Variants in BNC2 observed in about 807,000 individuals in gnomAD.
BNC2 encodes basonuclin zinc finger protein 2, also known as zinc finger protein basonuclin-2.
A neutral mutation model predicts 76.3 loss-of-function variants in BNC2; 20 were observed. The ratio of observed to expected loss-of-function variants is 0.26; its 90% CI spans 0.18 to 0.38. The LOEUF (loss-of-function observed/expected upper bound fraction) is 0.38. Among genes scored for constraint, BNC2 ranks in the 10% least tolerant of loss-of-function variants. The pLI is 1.00. For synonymous variants in BNC2, 582 were observed against 514.8 expected (o/e 1.13, Z -1.77); for missense variants, 1,382 against 1,399.8 (o/e 0.99, Z 0.20).
chr9:16,535,729 G>A (rs974001526), intron 5 of BNC2, among the ~76,000 whole-genome samples: 2 of 152,078 alleles, frequency 1.3e-5, no homozygotes, highest in Non-Finnish European at 2.9e-5. Flanking sequence ...CATGTCTTTG[G>A]TATCCATGTC....
intron 5 of BNC2, chr9:16,476,361 C>T (rs1158486699): frequency 6.6e-6 from 1 of 152,190 alleles, no homozygotes; most frequent in African/African-American, 2.4e-5. Context: ...CCTGTACACA[C>T]CTGAGGTGCT....
intron 5 of BNC2, among the ~76,000 whole-genome samples, chr9:16,501,372 T>C (rs1354926238): frequency 1.3e-5 from 2 of 152,188 alleles, no homozygotes; most frequent in Non-Finnish European, 2.9e-5. Context: ...ACCTCTTGAC[T>C]GATGATAATA....
intron 1 of BNC2, among the ~76,000 whole-genome samples, chr9:16,793,217 T>C (rs1055205419): frequency 6.6e-5 from 10 of 152,202 alleles, no homozygotes; most frequent in African/African-American, 2.4e-4. Context: ...TTTAGACTAT[T>C]TCTCAACACT....
At chr9:16,464,593 A>C (rs546666877) in intron 5 of BNC2, among the ~76,000 whole-genome samples, 3 of 152,252 alleles carry the variant, frequency 2.0e-5, no homozygotes, top group Non-Finnish European at 2.9e-5. Flanking sequence ...TCCTAAACAT[A>C]TCTACTTTCC....
chr9:16,486,988 T>C (rs1044553342), intron 5 of BNC2, among the ~76,000 whole-genome samples: 1 of 152,204 alleles, frequency 6.6e-6, no homozygotes, highest in Non-Finnish European at 1.5e-5. Context: ...AAATTACAGT[T>C]GTGAGCCACC....
chr9:16,689,947 T>A (rs571455256), intron 3 of BNC2, among the ~76,000 whole-genome samples: 25 of 152,328 alleles, frequency 1.6e-4, no homozygotes, highest in African/African-American at 5.8e-4. Flanking sequence ...AAGATGAAGA[T>A]GCACGCTAAA....
intron 1 of BNC2, among the ~76,000 whole-genome samples, chr9:16,787,282 G>C (rs1225960455): frequency 2.6e-5 from 4 of 152,170 alleles, no homozygotes; most frequent in Non-Finnish European, 1.5e-5. Flanking sequence ...TCATCTCAGA[G>C]CCCTCTCTAG....
intron 5 of BNC2, among the ~76,000 whole-genome samples, chr9:16,490,307 C>A (rs1822249061): frequency 6.6e-6 from 1 of 152,094 alleles, no homozygotes; most frequent in African/African-American, 2.4e-5. Flanking sequence ...AAGCGGAAAC[C>A]CCTGATAAAC....
At chr9:16,827,943 A>G (rs1818491458) in intron 1 of BNC2, among the ~76,000 whole-genome samples, 1 of 152,222 alleles carries the variant, frequency 6.6e-6, no homozygotes. Context: ...TTCTTCATAA[A>G]GTGATCAAAG....
At chr9:16,838,535 T>C (rs564118022) in intron 1 of BNC2, among the ~76,000 whole-genome samples, 4 of 152,300 alleles carry the variant, frequency 2.6e-5, no homozygotes, top group South Asian at 4.1e-4. Flanking sequence ...CACTCCAGCC[T>C]GGACAACAAG....
intron 1 of BNC2, among the ~76,000 whole-genome samples, chr9:16,799,103 T>A (rs762659270): frequency 6.6e-6 from 1 of 152,116 alleles, no homozygotes; most frequent in African/African-American, 2.4e-5. Context: ...AAATCAGTTA[T>A]AATGCACATT....
At chr9:16,563,728 G>T (rs1161470553) in intron 4 of BNC2, among the ~76,000 whole-genome samples, 6 of 152,144 alleles carry the variant, frequency 3.9e-5, no homozygotes, top group Non-Finnish European at 8.8e-5. Flanking sequence ...AATGAAAATT[G>T]GGACTAGAAC....
At chr9:16,602,030 T>A (rs1820257371) in intron 3 of BNC2, among the ~76,000 whole-genome samples, 1 of 152,152 alleles carries the variant, frequency 6.6e-6, no homozygotes, top group Non-Finnish European at 1.5e-5. Context: ...TAGTTAAAAG[T>A]TGTTAAGAGG....
Position 16,739,334 on chromosome 9 carries a change from G to A in BNC2, c.4-849C>T, listed in dbSNP as rs7035833. On this transcript the variant is annotated intron_variant, in intron 1 of 6. Coordinates refer to ENST00000380672, the MANE Select transcript of BNC2 (RefSeq NM_017637.6). Reference sequence around the variant, plus strand: ...TTATCTGGCAACAGTATGACAGATGGACTGAAGTGTGAAAAGACAAAAGCA... The same window carrying A: ...TTATCTGGCAACAGTATGACAGATGAACTGAAGTGTGAAAAGACAAAAGCA... 4.7e-3 allele frequency among the ~76,000 whole-genome samples: 710 copies of A among 152,288 alleles called. 2 individuals carry two copies. Among genetic ancestry groups the A allele is most frequent in the African/African-American group, 0.016 (672 of 41,558 alleles).
At chr9:16,673,276 T>C (rs756671367) in intron 3 of BNC2, among the ~76,000 whole-genome samples, 4 of 152,168 alleles carry the variant, frequency 2.6e-5, no homozygotes, top group Non-Finnish European at 4.4e-5. Context: ...TGAGACCCAG[T>C]AGCATAGCAC....
rs1820473720 is a variant in BNC2, at chr9:16,412,114, T to G, written c.*6875A>C. 1 of 152,666 alleles carries G rather than the reference T, an allele frequency of 6.6e-6. No homozygotes were observed. The highest frequency in any genetic ancestry group is 1.5e-5 in the Non-Finnish European group (1 of 68,044). 9.5% of individuals were successfully genotyped at this position (152,666 alleles called of 1,614,324 possible). On this transcript the variant is annotated 3_prime_UTR_variant, in exon 7 of 7. Coordinates refer to ENST00000380672, the MANE Select transcript of BNC2 (RefSeq NM_017637.6). Reference sequence around the variant, plus strand: ...CTCGATTTTCTAAAGCTCCCTGTACTTGTACTTACCAAAGTTCTTCAAAGT... The same window carrying G: ...CTCGATTTTCTAAAGCTCCCTGTACGTGTACTTACCAAAGTTCTTCAAAGT...
intron 4 of BNC2, among the ~76,000 whole-genome samples, chr9:16,559,295 T>C (rs571169245): frequency 1.6e-4 from 25 of 152,302 alleles, no homozygotes; most frequent in Non-Finnish European, 2.8e-4. Context: ...TTTTAGTTTA[T>C]CAGCTATCGT....
At chr9:16,621,202 G>T (rs1386864466) in intron 3 of BNC2, among the ~76,000 whole-genome samples, 1 of 152,172 alleles carries the variant, frequency 6.6e-6, no homozygotes, top group East Asian at 1.9e-4. Context: ...CAGACAGAGG[G>T]AAGACTTTGC....
chr9:16,518,616 T>C (rs1283002584), intron 5 of BNC2, among the ~76,000 whole-genome samples: 1 of 151,514 alleles, frequency 6.6e-6, no homozygotes, highest in African/African-American at 2.4e-5. Flanking sequence ...TTGTTTTTTG[T>C]TTTTTGTTTT....
Sources: allele counts gnomAD v4.1 joint callset (sites outside exome capture counted in the v4.1 genomes callset), GRCh38; gene constraint gnomAD v4.1.1; transcripts MANE v1.5; gene names NCBI Gene and HGNC (gene_info 2026-07-23, HGNC 2026-07-21).